TMCC1: variants seen among roughly 807,000 people sequenced by gnomAD.
TMCC1 encodes the protein transmembrane and coiled-coil domains protein 1.
TMCC1 carries 15 observed loss-of-function variants against 52.4 expected under a neutral mutation model. The observed-to-expected ratio is 0.29, with a 90% confidence interval of 0.19 to 0.44. TMCC1 has a LOEUF of 0.44. TMCC1 is among the 20% of genes least tolerant of loss of function. TMCC1 has a pLI of 1.00. For synonymous variants in TMCC1, 279 were observed against 301.9 expected (o/e 0.92, Z 0.79); for missense variants, 503 against 806.0 (o/e 0.62, Z 4.55).
intron 4 of TMCC1, 54 bp downstream of exon 4, chr3:129,827,749 T>C: frequency 1.3e-6 from 2 of 1,572,070 alleles, no homozygotes; most frequent in Non-Finnish European, 1.7e-6. Flanking sequence ...GTCTGGAGAG[T>C]CCTAGGTATG....
At chr3:129,691,734 G>C (rs1192983649) in intron 4 of TMCC1, among the ~76,000 whole-genome samples, 1 of 152,188 alleles carries the variant, frequency 6.6e-6, no homozygotes, top group Admixed American at 6.5e-5. Flanking sequence ...AGTGAGCTAT[G>C]ATTTCAGCCT....
chr3:129,712,001 C>CAA (rs71155567), intron 4 of TMCC1, among the ~76,000 whole-genome samples: 9,761 of 47,378 alleles, frequency 0.21, 2,665 homozygotes, highest in East Asian at 0.55. Flanking sequence ...GACTCTGTCT[C>CAA]AAAAAAAAAA....
intron 4 of TMCC1, among the ~76,000 whole-genome samples, chr3:129,827,563 G>T (rs753131363): frequency 3.6e-4 from 55 of 152,022 alleles, no homozygotes; most frequent in Non-Finnish European, 6.9e-4. Flanking sequence ...TATACTTAAG[G>T]TTTTAACGAA....
At chr3:129,892,335 T>C (rs1344188101) in intron 1 of TMCC1, among the ~76,000 whole-genome samples, 1 of 152,166 alleles carries the variant, frequency 6.6e-6, no homozygotes, top group Admixed American at 6.5e-5. Context: ...ACTCTGTTGG[T>C]AGAGGACAGG....
chr3:129,681,099 ATTTGT>A (rs1326298578), intron 4 of TMCC1, among the ~76,000 whole-genome samples: 2 of 152,104 alleles, frequency 1.3e-5, no homozygotes, highest in Non-Finnish European at 2.9e-5. Context: ...AGGTCAAATA[ATTTGT>A]TTTAATATGT....
intron 3 of TMCC1, among the ~76,000 whole-genome samples, chr3:129,831,386 G>A (rs763062002): frequency 6.6e-6 from 1 of 152,026 alleles, no homozygotes; most frequent in Non-Finnish European, 1.5e-5. Context: ...ATAAATTATC[G>A]GATTTTCAAA....
At chr3:129,653,563 C>G (rs935401775) in intron 6 of TMCC1, among the ~76,000 whole-genome samples, 1 of 152,234 alleles carries the variant, frequency 6.6e-6, no homozygotes, top group African/African-American at 2.4e-5. Context: ...TCTGCCTCAG[C>G]CTCCTGAGTA....
chr3:129,821,888 A>C (rs2058441718), intron 4 of TMCC1, among the ~76,000 whole-genome samples: 1 of 151,842 alleles, frequency 6.6e-6, no homozygotes, highest in African/African-American at 2.4e-5. Context: ...AACACCGCAA[A>C]ACTCCTCTAC....
intron 2 of TMCC1, among the ~76,000 whole-genome samples, chr3:129,838,364 G>A (rs1424941794): frequency 6.6e-6 from 1 of 152,032 alleles, no homozygotes; most frequent in Non-Finnish European, 1.5e-5. Flanking sequence ...AGCCGTGAGC[G>A]TCCCACTGCA....
chr3:129,743,652 T>C (rs938605041), intron 4 of TMCC1, among the ~76,000 whole-genome samples: 2 of 152,128 alleles, frequency 1.3e-5, no homozygotes, highest in Non-Finnish European at 2.9e-5. Flanking sequence ...ATGGATTCTT[T>C]TGGATTAAAA....
intron 4 of TMCC1, among the ~76,000 whole-genome samples, chr3:129,766,070 G>A (rs1024221254): frequency 4.6e-5 from 7 of 152,168 alleles, no homozygotes; most frequent in Non-Finnish European, 1.0e-4. Context: ...AGAATAAAAT[G>A]CAAAGGTTGA....
chr3:129,805,936 AAAAAAAAC>A (rs2057437085), intron 4 of TMCC1, among the ~76,000 whole-genome samples: 1 of 152,068 alleles, frequency 6.6e-6, no homozygotes, highest in African/African-American at 2.4e-5. Flanking sequence ...TGTCTCTTCA[AAAAAAAAC>A]AAAAAAACAA....
At chr3:129,800,694 T>C (rs2057132446) in intron 4 of TMCC1, among the ~76,000 whole-genome samples, 1 of 152,038 alleles carries the variant, frequency 6.6e-6, no homozygotes, top group African/African-American at 2.4e-5. Context: ...CTACTCTCCT[T>C]GACAATTTAA....
chr3:129,680,964 C>T (rs1038608180), intron 4 of TMCC1, among the ~76,000 whole-genome samples: 3 of 151,768 alleles, frequency 2.0e-5, no homozygotes, highest in Non-Finnish European at 2.9e-5. Flanking sequence ...TGATTACATC[C>T]TTTCTCCTAA....
rs1271455703 is a variant in TMCC1, at chr3:129,671,259, T to G, written c.582A>C (p.Glu194Asp). 4 of 1,607,690 alleles carry G rather than the reference T, an allele frequency of 2.5e-6. No individual in the cohort carries two copies. Among genetic ancestry groups the G allele is most frequent in the Admixed American group, 1.7e-5 (1 of 59,282 alleles). The change falls in exon 5 of 7, where the codon GAA (glutamate) becomes GAC (aspartate). Residue 194 changes from glutamate (E) to aspartate (D), a missense_variant. By Grantham distance (45) the Glu-to-Asp change is conservative. Coordinates refer to ENST00000393238, the MANE Select transcript of TMCC1 (RefSeq NM_001017395.5). ...GGGCAAGGCTGCTTACTTCCAACCGTTCGATCTAGTGTAAAAACAAGAGGT... is the reference window on the plus strand; with the variant it reads ...GGGCAAGGCTGCTTACTTCCAACCGGTCGATCTAGTGTAAAAACAAGAGGT... ...PGEEGTAERI[E>D]RLEVSSLAQT...
At chr3:129,689,349 A>G (rs778309713) in intron 4 of TMCC1, among the ~76,000 whole-genome samples, 1 of 152,222 alleles carries the variant, frequency 6.6e-6, no homozygotes, top group Non-Finnish European at 1.5e-5. Context: ...TTTGGGATTT[A>G]GGCAAGTTAT....
intron 2 of TMCC1, among the ~76,000 whole-genome samples, chr3:129,863,674 C>T (rs1459542549): frequency 1.3e-5 from 2 of 152,062 alleles, no homozygotes; most frequent in Non-Finnish European, 2.9e-5. Context: ...CCAGCCTAAC[C>T]AACATGGTGA....
intron 4 of TMCC1, among the ~76,000 whole-genome samples, chr3:129,813,759 ATT>A (rs2057955341): frequency 6.6e-6 from 1 of 152,058 alleles, no homozygotes; most frequent in African/African-American, 2.4e-5. Flanking sequence ...CAGTTTACCT[ATT>A]TAACAAACCT....
chr3:129,679,163 ATG>A (rs999297741), intron 4 of TMCC1, among the ~76,000 whole-genome samples: 1 of 152,194 alleles, frequency 6.6e-6, no homozygotes, highest in Non-Finnish European at 1.5e-5. Flanking sequence ...ACAGGCACCC[ATG>A]TCAGGGCTTT....
Sources: allele counts gnomAD v4.1 joint callset (sites outside exome capture counted in the v4.1 genomes callset), GRCh38; gene constraint gnomAD v4.1.1; transcripts MANE v1.5; gene names NCBI Gene and HGNC (gene_info 2026-07-23, HGNC 2026-07-21).